RP1: variants seen among roughly 807,000 people sequenced by gnomAD.
RP1 encodes the protein RP1 axonemal microtubule associated.
In RP1, 16 loss-of-function variants were observed where a neutral mutation model predicts 14.8. The ratio of observed to expected loss-of-function variants is 1.08; its 90% CI spans 0.73 to 1.65. The LOEUF (loss-of-function observed/expected upper bound fraction) is 1.65. Among genes scored for constraint, RP1 ranks in the 40% most tolerant of loss-of-function variants. RP1 has a pLI of 0.00. For missense variants in RP1, 2,631 were observed against 2,535.0 expected, an observed-to-expected ratio of 1.04 and a Z score of -0.81; for synonymous variants, 876 against 883.6, an observed-to-expected ratio of 0.99 and a Z score of 0.15.
chr8:54,812,096 A>G (rs1328042093), intron 24 of RP1, among the ~76,000 whole-genome samples: 1 of 152,206 alleles, frequency 6.6e-6, no homozygotes, highest in East Asian at 1.9e-4. Context: ...AAACTTATAG[A>G]TGTCATCAAT....
intron 17 of RP1, among the ~76,000 whole-genome samples, chr8:54,731,309 T>C: frequency 6.6e-6 from 1 of 152,174 alleles, no homozygotes. Flanking sequence ...GGGCATGTTT[T>C]TGAGTCATCT....
intron 3 of RP1, among the ~76,000 whole-genome samples, chr8:54,648,478 T>G (rs1221211366): frequency 6.6e-6 from 1 of 152,180 alleles, no homozygotes; most frequent in Admixed American, 6.5e-5. Flanking sequence ...AAATAATAAA[T>G]GAATAAATTA....
rs576529319 is a variant in RP1, at chr8:54,653,511, C to A, written c.1038+645C>A. 2.0e-5 allele frequency among the ~76,000 whole-genome samples: 3 copies of A among 152,194 alleles called. No homozygotes were observed. In the South Asian group the frequency reaches 6.2e-4, roughly 32 times the overall value. On this transcript the variant is annotated intron_variant, in intron 5 of 22. Coordinates refer to the RP1 transcript ENST00000636932. ...AATGTGCAGAAAATCTAGTCATATT[C>A]CTGATATTTTCGGCAAACTTACTCT... is the stretch of plus-strand genomic sequence containing the variant.
intron 28 of RP1, among the ~76,000 whole-genome samples, chr8:54,868,652 G>A (rs933771032): frequency 1.3e-5 from 2 of 152,060 alleles, no homozygotes; most frequent in Non-Finnish European, 2.9e-5. Flanking sequence ...ATGATTTTGT[G>A]AATTATCTTC....
chr8:54,827,156 T>C (rs1396602820), intron 24 of RP1, among the ~76,000 whole-genome samples: 2 of 152,184 alleles, frequency 1.3e-5, no homozygotes, highest in Non-Finnish European at 2.9e-5. Context: ...AGGACATTAC[T>C]GTACACCAAT....
intron 17 of RP1, among the ~76,000 whole-genome samples, chr8:54,730,722 G>A (rs1808774601): frequency 1.3e-5 from 2 of 152,060 alleles, no homozygotes; most frequent in Admixed American, 1.3e-4. Context: ...ATGTTAGGAT[G>A]CCTTTGATTA....
intron 3 of RP1, among the ~76,000 whole-genome samples, chr8:54,623,897 A>G (rs543092117): frequency 6.6e-6 from 1 of 152,352 alleles, no homozygotes; most frequent in South Asian, 2.1e-4. Flanking sequence ...GGTAAGCGGT[A>G]TTTGGTTAGA....
chr8:54,696,099 A>G (rs1807853682), intron 12 of RP1, among the ~76,000 whole-genome samples: 1 of 152,150 alleles, frequency 6.6e-6, no homozygotes. Context: ...ATTCTTAACT[A>G]AAAGTGTTTG....
chr8:54,737,397 G>GT (rs1452167907), intron 18 of RP1, among the ~76,000 whole-genome samples: 6 of 152,260 alleles, frequency 3.9e-5, no homozygotes, highest in Middle Eastern at 3.4e-3. Flanking sequence ...TCCCTTTATT[G>GT]TTTTCACTTA....
At chr8:54,810,699 G>A (rs998573119) in intron 24 of RP1, among the ~76,000 whole-genome samples, 3 of 152,186 alleles carry the variant, frequency 2.0e-5, no homozygotes, top group African/African-American at 7.2e-5. Flanking sequence ...GAAAATCCCT[G>A]TTCCAACACT....
intron 12 of RP1, among the ~76,000 whole-genome samples, chr8:54,690,415 A>G (rs955871683): frequency 6.6e-6 from 1 of 151,984 alleles, no homozygotes; most frequent in African/African-American, 2.4e-5. Context: ...CATCTTAACT[A>G]TACTTCTCTG....
chr8:54,747,971 C>A (rs1341955181), intron 19 of RP1, among the ~76,000 whole-genome samples: 1 of 152,228 alleles, frequency 6.6e-6, no homozygotes, highest in Non-Finnish European at 1.5e-5. Flanking sequence ...GTTTGCTATA[C>A]ATTCTGGATA....
chr8:54,659,542 A>G (rs1806836975), intron 6 of RP1, among the ~76,000 whole-genome samples: 1 of 152,092 alleles, frequency 6.6e-6, no homozygotes, highest in Non-Finnish European at 1.5e-5. Flanking sequence ...TCACTGTATA[A>G]TCGAGGGCTT....
intron 24 of RP1, among the ~76,000 whole-genome samples, chr8:54,791,433 C>G (rs1810464189): frequency 6.6e-6 from 1 of 151,996 alleles, no homozygotes; most frequent in Non-Finnish European, 1.5e-5. Context: ...TATATATAGT[C>G]AAAGGCAGAA....
chr8:54,663,627 A>G (rs1490313393), intron 6 of RP1: 2 of 1,343,346 alleles, frequency 1.5e-6, no homozygotes, highest in Non-Finnish European at 1.9e-6. Flanking sequence ...GGATAAGAGG[A>G]GATTTCTGTA....
intron 12 of RP1, among the ~76,000 whole-genome samples, chr8:54,698,412 A>G (rs935977837): frequency 9.9e-5 from 15 of 152,236 alleles, no homozygotes; most frequent in Non-Finnish European, 1.9e-4. Context: ...GATGTGGAGA[A>G]ATAGGAACGC....
chr8:54,608,379 G>A (rs1425695159), intron 1 of RP1, among the ~76,000 whole-genome samples: 1 of 152,034 alleles, frequency 6.6e-6, no homozygotes, highest in African/African-American at 2.4e-5. Context: ...GGTCATGACG[G>A]TATGTTCAAT....
chr8:54,771,451 G>T (rs1809905062), downstream of RP1, among the ~76,000 whole-genome samples: 1 of 152,020 alleles, frequency 6.6e-6, no homozygotes, highest in South Asian at 2.1e-4. Flanking sequence ...ATCAACATCA[G>T]TGATGTCAAA....
chr8:54,649,966 A>G (rs1401612338), intron 4 of RP1, among the ~76,000 whole-genome samples: 1 of 152,238 alleles, frequency 6.6e-6, no homozygotes, highest in Non-Finnish European at 1.5e-5. Context: ...TCTTGTGTTT[A>G]TAGTCACTAA....
Sources: allele counts gnomAD v4.1 joint callset (sites outside exome capture counted in the v4.1 genomes callset), GRCh38; gene constraint gnomAD v4.1.1; transcripts MANE v1.5; gene names NCBI Gene and HGNC (gene_info 2026-07-23, HGNC 2026-07-21).